The following CDHR1 variants were observed in gnomAD, a reference collection of about 807,000 sequenced individuals.
CDHR1 encodes the protein cadherin related family member 1.
A neutral mutation model predicts 72.1 loss-of-function variants in CDHR1; 61 were observed. That is an observed-to-expected ratio of 0.85 (90% CI 0.69 to 1.05). The LOEUF (loss-of-function observed/expected upper bound fraction) is 1.05, where lower values mean the gene tolerates loss of function less well. Among genes scored for constraint, CDHR1 ranks in the 50% least tolerant of loss-of-function variants. CDHR1 has a pLI of 0.00. For synonymous variants in CDHR1, 470 were observed against 448.1 expected (o/e 1.05, Z -0.62); for missense variants, 1,186 against 1,115.7 (o/e 1.06, Z -0.90).
At chr10:84,214,042 G>T in intron 16 of CDHR1, 40 bp from the exon 17 acceptor site, 1 of 1,613,850 alleles carries the variant, frequency 6.2e-7, no homozygotes, top group Non-Finnish European at 8.5e-7. Flanking sequence ...CAGGGACCAG[G>T]TGGGAACAGC....
At chr10:84,211,791 A>T in intron 14 of CDHR1, 76 bp downstream of exon 14, 1 of 1,284,978 alleles carries the variant, frequency 7.8e-7, no homozygotes, top group Non-Finnish European at 1.1e-6. Context: ...GGTCTGTGGC[A>T]GAGGCAGGAG....
Position 84,203,107 on chromosome 10 carries a change from A to G in CDHR1, c.767A>G (p.Tyr256Cys). ...FVGTPYYGYVYEDTLPGSEVL... is the reference protein window; with the variant it reads ...FVGTPYYGYVCEDTLPGSEVL... ...GGCACACCCTACTATGGCTATGTGT[A>G]CGAGGACACCCTTCCGGTGGGTGGC... The change falls in exon 8 of 17, where the codon TAC (tyrosine) becomes TGC (cysteine). Residue 256 changes from tyrosine to cysteine, a missense_variant. Physicochemically the swap from Tyr to Cys is radical, Grantham distance 194 (BLOSUM62 -2). Coordinates refer to ENST00000623527, the MANE Select transcript of CDHR1 (RefSeq NM_033100.4). The G allele has an allele frequency of 6.2e-7, 1 of 1,614,222 alleles. No individual in the cohort carries two copies. Among genetic ancestry groups the G allele is most frequent in the South Asian group, 1.1e-5 (1 of 91,084 alleles).
chr10:84,209,222 A>G (rs1364392102), intron 12 of CDHR1, among the ~76,000 whole-genome samples: 1 of 151,198 alleles, frequency 6.6e-6, no homozygotes, highest in Non-Finnish European at 1.5e-5. Flanking sequence ...TCTTCTGATA[A>G]CAATCTTAGC....
intron 6 of CDHR1, among the ~76,000 whole-genome samples, chr10:84,201,317 C>T (rs78140682): frequency 0.027 from 4,149 of 152,296 alleles, 85 homozygotes; most frequent in Admixed American, 0.048. Context: ...TACCAGAGGC[C>T]GGTGCTCCCT....
In CDHR1 at chr10:84,214,171, C is replaced by T. The variant is rs768958850; in HGVS notation, c.2130C>T (p.Ala710=). 4 of 1,614,170 alleles carry T rather than the reference C, an allele frequency of 2.5e-6. No homozygotes were observed. Among genetic ancestry groups the T allele is most frequent in the Non-Finnish European group, 2.5e-6 (3 of 1,180,052 alleles). The stretch of plus-strand genomic sequence containing the variant: ...TGGGTGTGCTGGCCGGCACCATGGC[C>T]ACCGTCGTGGCCATCACTGTCCTCA... ...KAVGVLAGTM[A]TVVAITVLIS... is the part of the protein sequence containing the mutation. The change falls in exon 17 of 17, where the codon GCC becomes GCT. Residue 710 remains alanine, a synonymous_variant. Coordinates refer to ENST00000623527, the MANE Select transcript of CDHR1 (RefSeq NM_033100.4).
chr10:84,202,389 G>T (rs973978245), intron 7 of CDHR1, among the ~76,000 whole-genome samples: 1 of 152,152 alleles, frequency 6.6e-6, no homozygotes. Context: ...ACCAGCAGGT[G>T]CCCACCAAAG....
intron 10 of CDHR1, among the ~76,000 whole-genome samples, chr10:84,206,891 G>A (rs76299185): frequency 0.036 from 5,514 of 152,280 alleles, 154 homozygotes; most frequent in East Asian, 0.13. Flanking sequence ...GAGGGTAGGT[G>A]GGATGGAAGA....
At position 84,216,978 on chromosome 10, in the gene CDHR1, G is replaced by A. The variant is rs140766042; in HGVS notation, c.*2357G>A. The A allele has an allele frequency of 1.2e-3, 1,202 of 985,460 alleles. 3 individuals carry two copies. Among genetic ancestry groups the A allele is most frequent in the Non-Finnish European group, 1.4e-3 (1,163 of 829,946 alleles). The allele number at this position is 985,460 out of a possible 1,614,324, so 61.0% of individuals were successfully genotyped here. A position where few individuals can be genotyped will look rare whatever the true frequency, so the allele number is the denominator to read the frequency against. ...TGCAAGTGGATCCGGGACCGAGGGT[G>A]GTCTCTTGGACAACCCCAGGAACTT... On this transcript the variant is annotated 3_prime_UTR_variant, in exon 17 of 17. Coordinates refer to ENST00000623527, the MANE Select transcript of CDHR1 (RefSeq NM_033100.4).
chr10:84,201,727 C>A, intron 6 of CDHR1, 80 bp from the exon 7 acceptor site: 1 of 1,137,580 alleles, frequency 8.8e-7, no homozygotes, highest in Non-Finnish European at 1.3e-6. Context: ...CAGTGAGGAC[C>A]CCCTTCAGAA....
intron 10 of CDHR1, among the ~76,000 whole-genome samples, chr10:84,206,321 G>A (rs1842225367): frequency 1.0e-5 from 1 of 100,114 alleles, no homozygotes; most frequent in Admixed American, 9.9e-5. Flanking sequence ...GCCTGGAGAA[G>A]GAGGAAACGT....
chr10:84,212,299 C>T lies in CDHR1; in HGVS notation c.1674C>T (p.Ser558=), dbSNP rs939856814. Residue 558 remains serine (S), a synonymous_variant, in exon 15 of 17, where the codon AGC becomes AGT. Coordinates refer to ENST00000623527, the MANE Select transcript of CDHR1 (RefSeq NM_033100.4). ...CAGAGGACATGGAAGGCAAGTACAGCGTAGCTGAGGTGTTTATCACACTGC... is the reference window on the plus strand; with the variant it reads ...CAGAGGACATGGAAGGCAAGTACAGTGTAGCTGAGGTGTTTATCACACTGC... ...VKAEDMEGKY[S]VAEVFITLLD... The T allele has an allele frequency of 1.9e-6, 3 of 1,614,210 alleles. No individual in the cohort carries two copies. Among genetic ancestry groups the T allele is most frequent in the African/African-American group, 1.3e-5 (1 of 75,056 alleles).
chr10:84,201,142 G>A (rs540922185), intron 6 of CDHR1, among the ~76,000 whole-genome samples: 10 of 152,326 alleles, frequency 6.6e-5, no homozygotes, highest in East Asian at 3.9e-4. Context: ...GACCTTCAGC[G>A]CGTTATCTAA....
chr10:84,195,617 T>C (rs1386007960), intron 2 of CDHR1, 28 bp downstream of exon 2: 3 of 1,582,130 alleles, frequency 1.9e-6, no homozygotes, highest in Non-Finnish European at 1.7e-6. Flanking sequence ...CTGCTCCCGA[T>C]AGGTCTCCCT....
chr10:84,204,864 C>T (rs1375062378), intron 9 of CDHR1, among the ~76,000 whole-genome samples: 1 of 152,194 alleles, frequency 6.6e-6, no homozygotes, highest in African/African-American at 2.4e-5. Context: ...ATGCTCCTCT[C>T]CCCCTGGGTA....
intron 8 of CDHR1, among the ~76,000 whole-genome samples, chr10:84,203,888 G>A (rs1842176654): frequency 6.6e-6 from 1 of 152,188 alleles, no homozygotes. Context: ...GGTGCTGAGG[G>A]ACAGGGCTCA....
Position 84,214,095 on chromosome 10 carries a change from G to A in CDHR1, c.2054G>A (p.Ser685Asn). 6.2e-7 allele frequency: 1 copy of A among 1,614,204 alleles called. No homozygotes were observed. Among genetic ancestry groups the A allele is most frequent in the Non-Finnish European group, 8.5e-7 (1 of 1,180,040 alleles). ...DITDAETLSRSPMAAFLIQTK... is the reference protein window; with the variant it reads ...DITDAETLSRNPMAAFLIQTK... ...TTTCTCTTTCAGACCCTCTCCCGGA[G>A]CCCCATGGCTGCCTTCCTGATACAG... is the stretch of plus-strand genomic sequence containing the variant. The change falls in exon 17 of 17, where the codon AGC (serine) becomes AAC (asparagine). Residue 685 changes from serine to asparagine, a missense_variant. Transcript: ENST00000623527.
chr10:84,204,895 C>T lies in CDHR1; in HGVS notation c.862+290C>T, dbSNP rs144092243. ...GGGTATTTGCTCCTTGATGGGAATGCGTGGCAACATTTCTCACACTTTTTA... is the reference window on the plus strand; with the variant it reads ...GGGTATTTGCTCCTTGATGGGAATGTGTGGCAACATTTCTCACACTTTTTA... On this transcript the variant is annotated intron_variant, in intron 9 of 16. Transcript: ENST00000623527. Among the ~76,000 whole-genome samples, 1,115 of 152,294 alleles carry T rather than the reference C, an allele frequency of 7.3e-3. 8 individuals are homozygous for T. Among genetic ancestry groups the T allele is most frequent in the South Asian group, 0.016 (77 of 4,828 alleles).
chr10:84,203,662 C>T (rs1262608825), intron 8 of CDHR1, among the ~76,000 whole-genome samples: 2 of 152,186 alleles, frequency 1.3e-5, no homozygotes, highest in Admixed American at 6.5e-5. Flanking sequence ...GTGATCCACC[C>T]GCCTTGGCCT....
intron 2 of CDHR1, among the ~76,000 whole-genome samples, chr10:84,196,013 G>A (rs915373713): frequency 2.0e-5 from 3 of 152,178 alleles, no homozygotes; most frequent in Non-Finnish European, 2.9e-5. Flanking sequence ...GTGGGAACCC[G>A]GGGAAAAGGG....
Sources: gnomAD v4.1 joint callset for allele counts (sites outside exome capture counted in the v4.1 genomes callset) on GRCh38, gnomAD v4.1.1 for gene constraint, MANE v1.5 for transcripts, NCBI Gene and HGNC (gene_info 2026-07-23, HGNC 2026-07-21) for gene names.